AHCTF1: variants seen among roughly 807,000 people sequenced by gnomAD.
AHCTF1 encodes protein ELYS.
A neutral mutation model predicts 248.4 loss-of-function variants in AHCTF1; 24 were observed. The ratio of observed to expected loss-of-function variants is 0.10; its 90% CI spans 0.07 to 0.14. The LOEUF is 0.14. Ranked by LOEUF, AHCTF1 falls within the 10% of genes least tolerant of loss-of-function variation. AHCTF1 has a pLI of 1.00. For missense variants in AHCTF1, 2,206 were observed against 2,636.2 expected (o/e 0.84, Z 3.57); for synonymous variants, 786 against 929.8 (o/e 0.85, Z 2.81).
intron 27 of AHCTF1, 96 bp downstream of exon 27, chr1:246,863,828 A>G: frequency 8.1e-7 from 1 of 1,232,506 alleles, no homozygotes. Context: ...GCACTCCCCA[A>G]GCGTATCAGT....
chr1:246,864,496 A>G (rs1661807565), intron 26 of AHCTF1, among the ~76,000 whole-genome samples: 1 of 152,210 alleles, frequency 6.6e-6, no homozygotes, highest in Non-Finnish European at 1.5e-5. Context: ...AAATTCATTA[A>G]CATGCAAAAT....
chr1:246,898,163 A>C lies in AHCTF1; in HGVS notation c.1623+45T>G, dbSNP rs756651916. The stretch of plus-strand genomic sequence containing the variant: ...TTTTTACTGTAATAGAAAGCTAATA[A>C]CGTGATCCAACCAAAAGAAACAATA... On this transcript the variant is annotated intron_variant, in intron 12 of 35. Coordinates refer to ENST00000648844, the MANE Select transcript of AHCTF1 (RefSeq NM_001323342.2). 5 of 1,607,660 alleles carry C rather than the reference A, an allele frequency of 3.1e-6. No individual in the cohort carries two copies. The South Asian group carries it at 5.5e-5, about 18-fold the overall frequency.
intron 33 of AHCTF1, among the ~76,000 whole-genome samples, chr1:246,846,157 GAA>G (rs967409682): frequency 2.0e-5 from 3 of 149,688 alleles, no homozygotes; most frequent in African/African-American, 7.4e-5. Context: ...TATGAAATGT[GAA>G]GTTTCATATT....
Position 246,931,599 on chromosome 1 carries a change from G to C in AHCTF1, c.-29C>G, listed in dbSNP as rs1159354807. Reference sequence around the variant, plus strand: ...CTACCTGAACGGGGCGGGTGAGCGCGCCGCCGCGGGCCGAGTCCACCGGGT... The same window carrying C: ...CTACCTGAACGGGGCGGGTGAGCGCCCCGCCGCGGGCCGAGTCCACCGGGT... On this transcript the variant is annotated 5_prime_UTR_variant, in exon 1 of 36. Transcript: ENST00000648844. The C allele has an allele frequency of 1.2e-5, 2 of 166,604 alleles. No individual in the cohort carries two copies. Among genetic ancestry groups the C allele is most frequent in the Admixed American group, 1.3e-4 (2 of 15,158 alleles). The allele number at this position is 166,604 out of a possible 1,614,324, so 10.3% of individuals were successfully genotyped here.
intron 8 of AHCTF1, 41 bp downstream of exon 8, chr1:246,902,484 A>G: frequency 6.4e-7 from 1 of 1,569,906 alleles, no homozygotes; most frequent in Non-Finnish European, 8.6e-7. Flanking sequence ...TAAATTTTAA[A>G]TCCAGCCTTC....
At chr1:246,928,681 T>C (rs141030289) in intron 1 of AHCTF1, among the ~76,000 whole-genome samples, 3 of 152,218 alleles carry the variant, frequency 2.0e-5, no homozygotes, top group African/African-American at 4.8e-5. Flanking sequence ...CACAAATTCC[T>C]GCAGTAACTG....
chr1:246,852,799 C>A (rs1660809608), intron 32 of AHCTF1, among the ~76,000 whole-genome samples: 2 of 151,778 alleles, frequency 1.3e-5, no homozygotes, highest in Admixed American at 6.6e-5. Context: ...GTTATGTTGC[C>A]CAGGCTGGTC....
At chr1:246,904,808 A>G (rs1298304773) in intron 6 of AHCTF1, among the ~76,000 whole-genome samples, 1 of 152,162 alleles carries the variant, frequency 6.6e-6, no homozygotes, top group Non-Finnish European at 1.5e-5. Flanking sequence ...ACTAGTTCTT[A>G]TTTCTTTTAC....
chr1:246,909,631 A>C (rs530730609), intron 4 of AHCTF1, among the ~76,000 whole-genome samples: 2 of 152,180 alleles, frequency 1.3e-5, no homozygotes, highest in South Asian at 4.1e-4. Context: ...TCATGCTGGC[A>C]ATTCAGATAT....
At chr1:246,921,770 G>A (rs1268280643) in intron 1 of AHCTF1, among the ~76,000 whole-genome samples, 2 of 152,150 alleles carry the variant, frequency 1.3e-5, no homozygotes, top group African/African-American at 4.8e-5. Context: ...ATATATTACT[G>A]AAAGGATCCT....
Position 246,857,691 on chromosome 1 carries a change from C to T in AHCTF1, c.4256G>A (p.Gly1419Glu). ...TTTGAATTTCTCTCCATTAACTTACCCTTCATAGACTGATGGTGCACAAAG... is the reference window on the plus strand; with the variant it reads ...TTTGAATTTCTCTCCATTAACTTACTCTTCATAGACTGATGGTGCACAAAG... ...ASLCAPSVYE[G>E]KIFTQKSKVP... is the part of the protein sequence containing the mutation. The change falls in exon 30 of 36, where the codon GGG becomes GAG. Residue 1419 changes from glycine to glutamate, a missense_variant and splice_region_variant. Around this residue, in one of 6 missense-constraint regions of AHCTF1, gnomAD observed 955 missense variants for 1,055.6 expected, o/e 0.90. Coordinates refer to ENST00000648844, the MANE Select transcript of AHCTF1 (RefSeq NM_001323342.2). 1 of 1,600,632 alleles carries T rather than the reference C, an allele frequency of 6.2e-7. No homozygotes were observed. The highest frequency in any genetic ancestry group is 8.5e-7 in the Non-Finnish European group (1 of 1,175,880).
At chr1:246,855,184 C>G (rs1661026738) in intron 31 of AHCTF1, among the ~76,000 whole-genome samples, 2 of 152,124 alleles carry the variant, frequency 1.3e-5, no homozygotes, top group South Asian at 4.1e-4. Context: ...GATGATCAGA[C>G]CAATTCTGGG....
At chr1:246,923,871 C>T (rs993336817) in intron 1 of AHCTF1, among the ~76,000 whole-genome samples, 1 of 152,112 alleles carries the variant, frequency 6.6e-6, no homozygotes, top group Non-Finnish European at 1.5e-5. Flanking sequence ...AAATAGATAA[C>T]CCCAGGAAAA....
Position 246,902,524 on chromosome 1 carries a change from C to T in AHCTF1, c.1117+1G>A. On this transcript the variant is annotated splice_donor_variant, in intron 8 of 35. Coordinates refer to ENST00000648844, the MANE Select transcript of AHCTF1 (RefSeq NM_001323342.2). LOFTEE classifies it high-confidence loss of function. ...GACATATTTCAAGTACTTTAACTAA[C>T]CTTCATTCACGCCTTCCTCCCTGTC... The T allele has an allele frequency of 6.2e-7, 1 of 1,608,704 alleles. No homozygotes were observed. Among genetic ancestry groups the T allele is most frequent in the Non-Finnish European group, 8.5e-7 (1 of 1,178,182 alleles).
At chr1:246,891,742 T>A in intron 15 of AHCTF1, 37 bp downstream of exon 15, 1 of 1,597,264 alleles carries the variant, frequency 6.3e-7, no homozygotes, top group Non-Finnish European at 8.5e-7. Context: ...GAAGTAAAAT[T>A]TAATAAAACA....
At chr1:246,877,605 T>C (rs547263776) in intron 21 of AHCTF1, among the ~76,000 whole-genome samples, 1 of 152,214 alleles carries the variant, frequency 6.6e-6, no homozygotes, top group South Asian at 2.1e-4. Context: ...GAATGGTTGG[T>C]GTGGTGTGAC....
chr1:246,849,649 A>C lies in AHCTF1; in HGVS notation c.6357T>G (p.Phe2119Leu). Residue 2119 changes from phenylalanine (F) to leucine (L), a missense_variant, in exon 33 of 36, where the codon TTT becomes TTG. Phe to Leu is a conservative substitution (Grantham distance 22). Around this residue, in one of 6 missense-constraint regions of AHCTF1, gnomAD observed 469 missense variants for 470.0 expected, o/e 1.00. Transcript: ENST00000648844. ...DLSEPNNEPL[F>L]SPASEVPRKA... ...TCCTTGGAACTTCTGACGCTGGAGA[A>C]AATAAAGGCTCATTGTTTGGTTCAG... 2 of 1,612,504 alleles carry C rather than the reference A, an allele frequency of 1.2e-6. No individual in the cohort carries two copies. The highest frequency in any genetic ancestry group is 2.2e-5 in the South Asian group (2 of 91,002).
In AHCTF1 at chr1:246,855,777, G is replaced by A. The variant is rs1334412678; in HGVS notation, c.4307C>T (p.Thr1436Ile). ...SKVPVLDEGL[T>I]SVETYTPAIR... ...TGCAGGGGTGTAGGTTTCAACAGAT[G>A]TTAATCCTTCGTCCAACACTGGTAC... Residue 1436 changes from threonine (T) to isoleucine (I), a missense_variant, in exon 31 of 36, where the codon ACA becomes ATA. By Grantham distance (89) the Thr-to-Ile change is moderately conservative. This residue lies in a region of AHCTF1 where 955 missense variants were observed against 1,055.6 expected (regional missense o/e 0.90). Transcript: ENST00000648844. The A allele has an allele frequency of 6.2e-7, 1 of 1,613,482 alleles. No homozygotes were observed. The highest frequency in any genetic ancestry group is 1.1e-5 in the South Asian group (1 of 90,942).
intron 1 of AHCTF1, among the ~76,000 whole-genome samples, chr1:246,927,850 A>G (rs1667051369): frequency 6.7e-6 from 1 of 148,390 alleles, no homozygotes; most frequent in Non-Finnish European, 1.5e-5. Context: ...TAAAAATACA[A>G]AAATTAGCTG....
Sources: gnomAD v4.1 joint callset for allele counts (sites outside exome capture counted in the v4.1 genomes callset) on GRCh38, gnomAD v4.1.1 for gene constraint, gnomAD v4.1.1 regional missense constraint, MANE v1.5 for transcripts, NCBI Gene and HGNC (gene_info 2026-07-23, HGNC 2026-07-21) for gene names.